The following TMEM120B variants were observed in gnomAD, a reference collection of about 807,000 sequenced individuals.
The protein encoded by TMEM120B is transmembrane protein 120B.
Under a neutral mutation model 55.5 loss-of-function variants are expected in TMEM120B, and 31 were observed. That is an observed-to-expected ratio of 0.56 (90% CI 0.42 to 0.75). The LOEUF (loss-of-function observed/expected upper bound fraction) is 0.75, where lower values mean the gene tolerates loss of function less well. Among genes scored for constraint, TMEM120B ranks in the 30% least tolerant of loss-of-function variants. The pLI is 0.00. For synonymous variants in TMEM120B, 203 were observed against 176.3 expected (o/e 1.15, Z -1.20); for missense variants, 399 against 425.5 (o/e 0.94, Z 0.55).
At chr12:121,752,258 C>A (rs1873354460) in intron 5 of TMEM120B, 35 bp downstream of exon 5, 1 of 1,579,190 alleles carries the variant, frequency 6.3e-7, no homozygotes, top group African/African-American at 1.3e-5. Flanking sequence ...TGGGCCTGGG[C>A]ATGCAGACGT....
intron 6 of TMEM120B, 124 bp from the exon 7 acceptor site, chr12:121,770,783 T>G: frequency 2.3e-6 from 2 of 851,782 alleles, no homozygotes; most frequent in Non-Finnish European, 3.9e-6. Flanking sequence ...CCAGTCTGTT[T>G]CTTACTCCAA....
chr12:121,727,655 C>T (rs187540575), intron 1 of TMEM120B, among the ~76,000 whole-genome samples: 2 of 151,250 alleles, frequency 1.3e-5, no homozygotes, highest in East Asian at 3.9e-4. Flanking sequence ...GGGCGGATCA[C>T]GAGGTCAGGA....
At chr12:121,768,793 C>T (rs1032719968) in intron 6 of TMEM120B, among the ~76,000 whole-genome samples, 1 of 152,016 alleles carries the variant, frequency 6.6e-6, no homozygotes, top group Admixed American at 6.6e-5. Context: ...TTTTCCTAGG[C>T]TGCCCCTGAT....
At chr12:121,722,089 C>CTGTG (rs1894803370) in intron 1 of TMEM120B, among the ~76,000 whole-genome samples, 1 of 143,434 alleles carries the variant, frequency 7.0e-6, no homozygotes, top group African/African-American at 2.5e-5. Flanking sequence ...GCGTGAGCCA[C>CTGTG]CACACCTGGC....
chr12:121,761,144 A>G (rs1305577057), intron 5 of TMEM120B, among the ~76,000 whole-genome samples: 1 of 151,998 alleles, frequency 6.6e-6, no homozygotes, highest in Non-Finnish European at 1.5e-5. Context: ...ACACCCTGGT[A>G]ATTTTTGTAT....
At position 121,776,037 on chromosome 12, in the gene TMEM120B, C is replaced by G. The variant is rs1180954284; in HGVS notation, c.*315C>G. Reference sequence around the variant, plus strand: ...TGAAGCCTCAGGGAGCCCCTCTGTTCCCACTCCTGTCATTTGAACCCCTCT... The same window carrying G: ...TGAAGCCTCAGGGAGCCCCTCTGTTGCCACTCCTGTCATTTGAACCCCTCT... On this transcript the variant is annotated 3_prime_UTR_variant, in exon 12 of 12. Coordinates refer to ENST00000449592, the MANE Select transcript of TMEM120B (RefSeq NM_001080825.2). The G allele has an allele frequency of 1.7e-6, 1 of 582,102 alleles. No individual in the cohort carries two copies. The highest frequency in any genetic ancestry group is 3.1e-6 in the Non-Finnish European group (1 of 327,764). 36.1% of individuals were successfully genotyped at this position (582,102 alleles called of 1,614,324 possible). A position where few individuals can be genotyped will look rare whatever the true frequency, so the allele number is the denominator to read the frequency against.
chr12:121,713,098 G>C lies in TMEM120B; in HGVS notation c.69+134G>C, dbSNP rs1012177516. On this transcript the variant is annotated intron_variant, in intron 1 of 11. Transcript: ENST00000449592. ...CCCCGGAGAGGCCCTGGGGGCGGACGGGAGGCATGGACCAGCCCCCTCCCA... is the reference window on the plus strand; with the variant it reads ...CCCCGGAGAGGCCCTGGGGGCGGACCGGAGGCATGGACCAGCCCCCTCCCA... The C allele has an allele frequency of 2.3e-5, 15 of 651,990 alleles. No individual in the cohort carries two copies. In the African/African-American group the frequency reaches 2.7e-4, roughly 12 times the overall value. 40.4% of individuals were successfully genotyped at this position (651,990 alleles called of 1,614,324 possible).
At chr12:121,733,205 A>T (rs926525717) in intron 1 of TMEM120B, among the ~76,000 whole-genome samples, 1 of 152,172 alleles carries the variant, frequency 6.6e-6, no homozygotes, top group Non-Finnish European at 1.5e-5. Context: ...TCTGTAGCAC[A>T]AAATATGCAT....
At chr12:121,755,730 G>A (rs1217946607) in intron 5 of TMEM120B, among the ~76,000 whole-genome samples, 1 of 152,212 alleles carries the variant, frequency 6.6e-6, no homozygotes, top group African/African-American at 2.4e-5. Flanking sequence ...CCTGTGGGTA[G>A]TTGGAGCTCA....
At chr12:121,766,628 C>T (rs1294916506) in intron 6 of TMEM120B, among the ~76,000 whole-genome samples, 1 of 152,170 alleles carries the variant, frequency 6.6e-6, no homozygotes, top group Non-Finnish European at 1.5e-5. Flanking sequence ...CAGAGGACTG[C>T]AGAGGGTCCT....
intron 5 of TMEM120B, among the ~76,000 whole-genome samples, chr12:121,760,235 A>G (rs1266998841): frequency 1.3e-5 from 2 of 151,088 alleles, no homozygotes; most frequent in Non-Finnish European, 3.0e-5. Flanking sequence ...CCCGGGAGGC[A>G]GAGGTTGCAG....
chr12:121,752,048 C>G (rs545292737), intron 4 of TMEM120B, 80 bp from the exon 5 acceptor site: 2 of 1,177,702 alleles, frequency 1.7e-6, no homozygotes, highest in Admixed American at 1.8e-5. Context: ...GGACAAGGGT[C>G]TGATGGGGCT....
intron 1 of TMEM120B, among the ~76,000 whole-genome samples, chr12:121,717,607 G>C (rs904745136): frequency 6.6e-6 from 1 of 152,154 alleles, no homozygotes; most frequent in Non-Finnish European, 1.5e-5. Context: ...TCTGTGCCCT[G>C]AGTACTCCTG....
In TMEM120B at chr12:121,748,460, C is replaced by G; in HGVS notation, c.305+18C>G. The G allele has an allele frequency of 6.4e-7, 1 of 1,552,082 alleles. No homozygotes were observed. Among genetic ancestry groups the G allele is most frequent in the Non-Finnish European group, 8.9e-7 (1 of 1,128,376 alleles). On this transcript the variant is annotated intron_variant, in intron 3 of 11. Coordinates refer to ENST00000449592, the MANE Select transcript of TMEM120B (RefSeq NM_001080825.2). ...AAGAACGGGTAGGAGCTGGCAACCTCCCCACCCCTAGCACAGGCCCATGCC... is the reference window on the plus strand; with the variant it reads ...AAGAACGGGTAGGAGCTGGCAACCTGCCCACCCCTAGCACAGGCCCATGCC...
rs769602313 is a variant in TMEM120B, at chr12:121,779,609, G to A, written c.*3887G>A. 6 of 1,614,108 alleles carry A rather than the reference G, an allele frequency of 3.7e-6. No homozygotes were observed. In the East Asian group the frequency reaches 1.3e-4, roughly 36 times the overall value. On this transcript the variant is annotated 3_prime_UTR_variant, in exon 12 of 12. Transcript: ENST00000449592. ...CGTCCTCCACATTCTCCCGAAACTT[G>A]GCGGAACATTCCAGGTAGAGAGCAG...
intron 1 of TMEM120B, among the ~76,000 whole-genome samples, chr12:121,722,820 C>T (rs1352454361): frequency 1.3e-5 from 2 of 149,240 alleles, no homozygotes; most frequent in African/African-American, 2.5e-5. Context: ...GGGCTGTTTA[C>T]AAAGGTGTGG....
chr12:121,741,856 G>T (rs1018859753), intron 1 of TMEM120B, among the ~76,000 whole-genome samples: 8 of 151,556 alleles, frequency 5.3e-5, no homozygotes, highest in African/African-American at 1.9e-4. Context: ...TTTCCTTCCT[G>T]GGGGGCCCAG....
At chr12:121,722,050 T>A (rs1432050125) in intron 1 of TMEM120B, among the ~76,000 whole-genome samples, 1 of 151,356 alleles carries the variant, frequency 6.6e-6, no homozygotes, top group Non-Finnish European at 1.5e-5. Context: ...ATCCGCCCGC[T>A]TTGGCCTCTC....
chr12:121,750,171 G>C (rs576022378), intron 3 of TMEM120B, among the ~76,000 whole-genome samples: 4 of 151,884 alleles, frequency 2.6e-5, no homozygotes, highest in Admixed American at 6.6e-5. Context: ...AGGAGAAATC[G>C]ACTCCTCACA....
Sources: gnomAD v4.1 joint callset for allele counts (sites outside exome capture counted in the v4.1 genomes callset) on GRCh38, gnomAD v4.1.1 for gene constraint, MANE v1.5 for transcripts, NCBI Gene and HGNC (gene_info 2026-07-23, HGNC 2026-07-21) for gene names.